Variants in AFF2 observed in about 807,000 individuals in gnomAD.
AFF2 encodes the protein ALF transcription elongation factor 2.
A neutral mutation model predicts 76.9 loss-of-function variants in AFF2; 14 were observed. That is an observed-to-expected ratio of 0.18 (90% CI 0.12 to 0.28). AFF2 has a LOEUF of 0.28. AFF2 is among the 10% of genes least tolerant of loss of function. The pLI is 1.00. For missense variants in AFF2, 868 were observed against 1,001.1 expected (o/e 0.87, Z 1.79); for synonymous variants, 398 against 366.7 (o/e 1.09, Z -0.98).
In AFF2 at chrX:148,956,511, A is replaced by G. The variant is rs782047585; in HGVS notation, c.2466A>G (p.Ala822=). 8.3e-7 allele frequency: 1 copy of G among 1,211,138 alleles called. No homozygotes were observed. The highest frequency in any genetic ancestry group is 1.8e-5 in the South Asian group (1 of 56,972). Residue 822 remains alanine, a synonymous_variant, in exon 11 of 21, where the codon GCA becomes GCG. Coordinates refer to ENST00000370460, the MANE Select transcript of AFF2 (RefSeq NM_002025.4). ...CTGGCCACAGCTCACTCCATGCAGC[A>G]CCTGCCAAGCCAGACCACAAGGAGA... ...RVPGHSSLHA[A]PAKPDHKETA...
intron 7 of AFF2, among the ~76,000 whole-genome samples, chrX:148,853,488 G>A (rs377673563): frequency 3.6e-5 from 4 of 111,707 alleles, no homozygotes; most frequent in South Asian, 3.8e-4. Flanking sequence ...ACTCTGTAGC[G>A]AATTGTGTTG....
At chrX:148,602,029 G>A (rs1308591358) in intron 1 of AFF2, among the ~76,000 whole-genome samples, 3 of 112,118 alleles carry the variant, frequency 2.7e-5, no homozygotes, top group Non-Finnish European at 5.6e-5. Flanking sequence ...GGCTACTAGA[G>A]TAAGGATGCA....
At chrX:148,628,423 G>C in intron 1 of AFF2, among the ~76,000 whole-genome samples, 2 of 111,188 alleles carry the variant, frequency 1.8e-5, no homozygotes, top group Middle Eastern at 4.6e-3. Flanking sequence ...TTGCCAGAGA[G>C]AACCAACCAT....
chrX:148,845,878 T>A (rs2070660952), intron 7 of AFF2, among the ~76,000 whole-genome samples: 1 of 112,103 alleles, frequency 8.9e-6, no homozygotes, highest in Non-Finnish European at 1.9e-5. Context: ...AAAGAGAGAT[T>A]AGAGTCTTGT....
chrX:148,581,209 A>G (rs1175234235), intron 1 of AFF2, among the ~76,000 whole-genome samples: 1 of 94,760 alleles, frequency 1.1e-5, no homozygotes, highest in African/African-American at 3.9e-5. Context: ...GTATACGTAT[A>G]CACACATATA....
intron 1 of AFF2, among the ~76,000 whole-genome samples, chrX:148,531,935 C>T (rs1557235974): frequency 6.4e-5 from 7 of 110,097 alleles, no homozygotes. Flanking sequence ...ATTGAACTAG[C>T]TCCTTCCTGT....
chrX:148,988,739 G>A (rs73614088), intron 20 of AFF2, among the ~76,000 whole-genome samples: 3,837 of 111,680 alleles, frequency 0.034, 164 homozygotes, highest in African/African-American at 0.12. Context: ...ACCCCTCAAC[G>A]CAGCTATAAA....
intron 3 of AFF2, among the ~76,000 whole-genome samples, chrX:148,762,172 T>C (rs2069455081): frequency 9.1e-6 from 1 of 109,993 alleles, no homozygotes; most frequent in African/African-American, 3.3e-5. Context: ...CTGTACCCAA[T>C]GTGTAGTCTT....
chrX:148,536,235 A>G (rs1351515285), intron 1 of AFF2, among the ~76,000 whole-genome samples: 1 of 109,995 alleles, frequency 9.1e-6, no homozygotes, highest in African/African-American at 3.3e-5. Flanking sequence ...GAATTCGACC[A>G]TCCATTTAGA....
intron 3 of AFF2, among the ~76,000 whole-genome samples, chrX:148,754,093 G>A (rs2055533231): frequency 9.0e-6 from 1 of 111,392 alleles, no homozygotes; most frequent in Admixed American, 9.6e-5. Flanking sequence ...AAAAGAGGAA[G>A]GCATAATGAT....
intron 3 of AFF2, among the ~76,000 whole-genome samples, chrX:148,723,170 G>A (rs782130339): frequency 4.5e-5 from 5 of 112,001 alleles, no homozygotes; most frequent in African/African-American, 1.6e-4. Flanking sequence ...CTAGCCCAGG[G>A]CAGAAGGCCA....
intron 1 of AFF2, among the ~76,000 whole-genome samples, chrX:148,545,992 C>T (rs1482869786): frequency 1.8e-5 from 2 of 111,892 alleles, no homozygotes; most frequent in African/African-American, 3.2e-5. Flanking sequence ...CTTACTTTTT[C>T]TACCTAGTAA....
chrX:148,708,570 G>A (rs782148388), intron 3 of AFF2, among the ~76,000 whole-genome samples: 6 of 111,746 alleles, frequency 5.4e-5, no homozygotes, highest in Non-Finnish European at 3.8e-5. Flanking sequence ...AGATTTCATG[G>A]GTCAACTTGT....
At chrX:148,814,126 T>G (rs187024602) in intron 4 of AFF2, among the ~76,000 whole-genome samples, 6 of 112,117 alleles carry the variant, frequency 5.4e-5, no homozygotes, top group Non-Finnish European at 5.6e-5. Flanking sequence ...CTGGCCACAG[T>G]GATGGCATTT....
chrX:148,839,160 G>A (rs1275315584), intron 5 of AFF2, among the ~76,000 whole-genome samples: 1 of 112,222 alleles, frequency 8.9e-6, no homozygotes, highest in Non-Finnish European at 1.9e-5. Context: ...GTTTAAATGG[G>A]CTTTTATAGT....
chrX:148,876,053 T>C (rs781822762), intron 7 of AFF2, among the ~76,000 whole-genome samples: 8 of 112,191 alleles, frequency 7.1e-5, no homozygotes, highest in African/African-American at 9.7e-5. Context: ...ATTTTCCTTC[T>C]TTCGATTTTT....
chrX:148,710,044 G>T (rs958637990), intron 3 of AFF2, among the ~76,000 whole-genome samples: 1 of 111,619 alleles, frequency 9.0e-6, no homozygotes, highest in Non-Finnish European at 1.9e-5. Context: ...ATAGTCATGG[G>T]CTATTTAAAC....
At chrX:148,979,366 G>A (rs925135346) in intron 18 of AFF2, among the ~76,000 whole-genome samples, 2 of 112,113 alleles carry the variant, frequency 1.8e-5, no homozygotes, top group African/African-American at 3.2e-5. Flanking sequence ...ATGTGGTGTG[G>A]CCATAATGCC....
At chrX:148,503,066 G>A (rs187245228) in intron 1 of AFF2, among the ~76,000 whole-genome samples, 27 of 112,316 alleles carry the variant, frequency 2.4e-4, no homozygotes, top group African/African-American at 7.8e-4. Flanking sequence ...AATATTATGT[G>A]AAATACTGAT....
Sources: gnomAD v4.1 joint callset for allele counts (sites outside exome capture counted in the v4.1 genomes callset) on GRCh38, gnomAD v4.1.1 for gene constraint, MANE v1.5 for transcripts, NCBI Gene and HGNC (gene_info 2026-07-23, HGNC 2026-07-21) for gene names.